The following GSN variants were observed in gnomAD, a reference collection of about 807,000 sequenced individuals.
GSN encodes the protein actin-depolymerizing factor.
A neutral mutation model predicts 85.7 loss-of-function variants in GSN; 56 were observed. That is an observed-to-expected ratio of 0.65 (90% CI 0.53 to 0.82). GSN has a LOEUF of 0.82. GSN is among the 40% of genes least tolerant of loss of function. The pLI is 0.00. For synonymous variants in GSN, 373 were observed against 399.1 expected, an observed-to-expected ratio of 0.93 and a Z score of 0.78; for missense variants, 857 against 979.8, an observed-to-expected ratio of 0.87 and a Z score of 1.67.
At chr9:121,277,461 C>G (rs2056818945) in intron 1 of GSN, among the ~76,000 whole-genome samples, 1 of 152,152 alleles carries the variant, frequency 6.6e-6, no homozygotes, top group Non-Finnish European at 1.5e-5. Flanking sequence ...TGAAAACAAT[C>G]TGTTATTAGT....
chr9:121,280,430 G>T (rs2057221152), intron 1 of GSN: 2 of 152,240 alleles, frequency 1.3e-5, no homozygotes. Context: ...CCTCCAAGGA[G>T]CTTACAGCCT....
At chr9:121,303,532 C>T (rs1196787608) in intron 4 of GSN, among the ~76,000 whole-genome samples, 1 of 152,240 alleles carries the variant, frequency 6.6e-6, no homozygotes, top group East Asian at 1.9e-4. Context: ...AACTTGAACT[C>T]TTCAGAGTCT....
At position 121,288,445 on chromosome 9, in the gene GSN, CAG is replaced by C. The variant is rs1436869527; in HGVS notation, c.-10+6885_-10+6886del. 2.0e-5 allele frequency among the ~76,000 whole-genome samples: 3 copies of C among 152,222 alleles called. No homozygotes were observed. The East Asian group carries it at 5.8e-4, about 29-fold the overall frequency. ...GGTACGCAGGGCACAGGACATAACA[CAG>C]ATGCCCAGGTACGGTTGGCACAGGC... On this transcript the variant is annotated intron_variant, in intron 2 of 17. Transcript: ENST00000432226.
chr9:121,277,626 A>G (rs1028653805), intron 1 of GSN, among the ~76,000 whole-genome samples: 1 of 151,834 alleles, frequency 6.6e-6, no homozygotes, highest in Non-Finnish European at 1.5e-5. Context: ...ATCTGCAGCT[A>G]TGAGTTTCTA....
intron 6 of GSN, among the ~76,000 whole-genome samples, chr9:121,255,778 A>G (rs2132259031): frequency 6.6e-6 from 1 of 152,306 alleles, no homozygotes. Context: ...ATTGCAAGCA[A>G]TGATTAATAA....
intron 3 of GSN, among the ~76,000 whole-genome samples, chr9:121,210,630 G>A (rs1371024173): frequency 6.6e-6 from 1 of 152,192 alleles, no homozygotes; most frequent in Non-Finnish European, 1.5e-5. Flanking sequence ...ACCTTACAGA[G>A]AAGGGCTAGG....
intron 5 of GSN, chr9:121,239,430 A>G: frequency 2.5e-6 from 1 of 406,518 alleles, no homozygotes; most frequent in East Asian, 6.4e-5. Context: ...CCATGTTTAC[A>G]TCCTTAGCAG....
At chr9:121,268,153 C>A, upstream of GSN, 1 of 152,108 alleles carries the variant, frequency 6.6e-6, no homozygotes, top group South Asian at 1.9e-4. Flanking sequence ...CGCCCCCGCC[C>A]CGCCGCCCGG....
At chr9:121,242,672 G>A (rs994784435) in intron 5 of GSN, among the ~76,000 whole-genome samples, 1 of 152,160 alleles carries the variant, frequency 6.6e-6, no homozygotes, top group Admixed American at 6.5e-5. Flanking sequence ...CCTTGACAGC[G>A]CAGCTCTGAT....
intron 4 of GSN, among the ~76,000 whole-genome samples, chr9:121,217,409 G>A (rs2054085471): frequency 1.3e-5 from 2 of 151,904 alleles, no homozygotes; most frequent in South Asian, 4.2e-4. Context: ...AGGAGTACCT[G>A]TGCAGATTTG....
At chr9:121,274,655 G>A (rs1039537874) in intron 1 of GSN, among the ~76,000 whole-genome samples, 3 of 152,188 alleles carry the variant, frequency 2.0e-5, no homozygotes, top group Non-Finnish European at 4.4e-5. Context: ...ATGGGCGAGT[G>A]GGAATTGATA....
At chr9:121,252,520 G>C (rs1006684949) in intron 6 of GSN, among the ~76,000 whole-genome samples, 1 of 152,240 alleles carries the variant, frequency 6.6e-6, no homozygotes, top group Non-Finnish European at 1.5e-5. Flanking sequence ...TCTTTTGGCA[G>C]TTGGAGGAAC....
intron 2 of GSN, chr9:121,285,609 G>C (rs890282857): frequency 6.4e-6 from 1 of 155,444 alleles, no homozygotes; most frequent in Non-Finnish European, 1.5e-5. Flanking sequence ...GAGGAATCTG[G>C]GGCCCAGAGA....
chr9:121,201,789 C>G, the GSN span: 1 of 152,502 alleles, frequency 6.6e-6, no homozygotes, highest in Non-Finnish European at 1.5e-5. Context: ...GCAGACGCGC[C>G]GGCAGCAGTA....
intron 3 of GSN, 136 bp downstream of exon 3, chr9:121,302,303 C>T: frequency 4.9e-6 from 5 of 1,019,230 alleles, no homozygotes. Flanking sequence ...GGTTCATGCC[C>T]TGAGACGCTA....
At chr9:121,321,803 T>C (rs1030710093) in intron 11 of GSN, among the ~76,000 whole-genome samples, 38 of 152,088 alleles carry the variant, frequency 2.5e-4, no homozygotes, top group African/African-American at 9.2e-4. Context: ...AGTGCAGTGG[T>C]GCGGTCTCGC....
rs140734150 is a variant in GSN at position 121,302,945 on chromosome 9, C to A, written c.231C>A (p.Ala77=). The A allele has an allele frequency of 2.2e-4, 358 of 1,613,816 alleles. No individual in the cohort carries two copies. Among genetic ancestry groups the A allele is most frequent in the South Asian group, 1.3e-4 (12 of 91,080 alleles). The change falls in exon 4 of 18, where the codon GCC becomes GCA. Residue 77 remains alanine (A), a synonymous_variant. Coordinates refer to ENST00000432226, the MANE Select transcript of GSN (RefSeq NM_198252.3). ...GCAGCCAGGATGAGAGCGGGGCGGC[C>A]GCCATCTTTACCGTGCAGCTGGATG... ...NECSQDESGA[A]AIFTVQLDDY...
intron 16 of GSN, among the ~76,000 whole-genome samples, chr9:121,330,086 T>C (rs1429364738): frequency 2.0e-5 from 3 of 152,224 alleles, no homozygotes; most frequent in Non-Finnish European, 4.4e-5. Context: ...GCTTGAGCCA[T>C]TCAGCAGTTG....
At chr9:121,211,338 T>C (rs1467355320) in intron 4 of GSN, among the ~76,000 whole-genome samples, 1 of 152,184 alleles carries the variant, frequency 6.6e-6, no homozygotes, top group Non-Finnish European at 1.5e-5. Context: ...ATCTATATTT[T>C]ACCACATAAA....
Sources: gnomAD v4.1 joint callset for allele counts (sites outside exome capture counted in the v4.1 genomes callset) on GRCh38, gnomAD v4.1.1 for gene constraint, MANE v1.5 for transcripts, NCBI Gene and HGNC (gene_info 2026-07-23, HGNC 2026-07-21) for gene names.